FAF1: variants seen among roughly 807,000 people sequenced by gnomAD.
FAF1 encodes the protein FAS-associated factor 1.
Under a neutral mutation model 92.5 loss-of-function variants are expected in FAF1, and 25 were observed. The ratio of observed to expected loss-of-function variants is 0.27; its 90% CI spans 0.20 to 0.38. The LOEUF is 0.38. FAF1 is among the 10% of genes least tolerant of loss of function. The pLI is 1.00. For missense variants in FAF1, 636 were observed against 793.3 expected, an observed-to-expected ratio of 0.80 and a Z score of 2.38; for synonymous variants, 234 against 273.2, an observed-to-expected ratio of 0.86 and a Z score of 1.42.
At chr1:50,718,163 G>C (rs560453043) in intron 6 of FAF1, among the ~76,000 whole-genome samples, 2 of 151,934 alleles carry the variant, frequency 1.3e-5, no homozygotes, top group African/African-American at 2.4e-5. Context: ...GGGATTACAG[G>C]CACCCGAGTA....
intron 1 of FAF1, among the ~76,000 whole-genome samples, chr1:50,888,764 G>C (rs1032211999): frequency 2.0e-5 from 3 of 152,152 alleles, no homozygotes; most frequent in Non-Finnish European, 4.4e-5. Context: ...GATTTGGTTT[G>C]CCAGTATTTT....
At chr1:50,587,927 T>C (rs1000492779) in intron 9 of FAF1, among the ~76,000 whole-genome samples, 9 of 152,214 alleles carry the variant, frequency 5.9e-5, no homozygotes, top group African/African-American at 1.9e-4. Context: ...AAGCTTATAA[T>C]TGAAATAGAT....
At chr1:50,762,404 A>G (rs1188828343) in intron 4 of FAF1, among the ~76,000 whole-genome samples, 1 of 152,058 alleles carries the variant, frequency 6.6e-6, no homozygotes, top group Non-Finnish European at 1.5e-5. Context: ...CCAAAAGAAC[A>G]AAGCTGGAGG....
At chr1:50,909,885 G>T (rs927666204) in intron 1 of FAF1, among the ~76,000 whole-genome samples, 20 of 152,272 alleles carry the variant, frequency 1.3e-4, no homozygotes, top group African/African-American at 4.3e-4. Flanking sequence ...GTCTCAACTC[G>T]TCAAAGTCAT....
chr1:50,754,793 A>G (rs1180012625), intron 4 of FAF1, among the ~76,000 whole-genome samples: 2 of 152,180 alleles, frequency 1.3e-5, no homozygotes, highest in African/African-American at 4.8e-5. Context: ...GGGAGGCCCT[A>G]TAATCATGGT....
At chr1:50,532,685 T>C (rs1648241719) in intron 15 of FAF1, among the ~76,000 whole-genome samples, 1 of 152,230 alleles carries the variant, frequency 6.6e-6, no homozygotes, top group South Asian at 2.1e-4. Flanking sequence ...CATATTTTTA[T>C]AGCAATAGAA....
Position 50,955,785 on chromosome 1 carries a change from C to A in FAF1, c.45+3982G>T, listed in dbSNP as rs536241143. The stretch of plus-strand genomic sequence containing the variant: ...ATAAGCAAAATATGGTATATACATA[C>A]AATGGAACATTATTTAGCCTTTAAA... On this transcript the variant is annotated intron_variant, in intron 1 of 18. Coordinates refer to ENST00000396153, the MANE Select transcript of FAF1 (RefSeq NM_007051.3). Among the ~76,000 whole-genome samples the A allele has an allele frequency of 6.3e-4, 96 of 152,244 alleles. 2 individuals carry two copies. Among genetic ancestry groups the A allele is most frequent in the Admixed American group, 2.1e-3 (32 of 15,292 alleles).
At position 50,512,731 on chromosome 1, in the gene FAF1, T is replaced by G. The variant is rs543966541; in HGVS notation, c.1495-20930A>C. 4.6e-5 allele frequency among the ~76,000 whole-genome samples: 7 copies of G among 152,326 alleles called. No individual in the cohort carries two copies. The East Asian group carries it at 1.3e-3, about 29-fold the overall frequency. ...TTGGCTATAACGGCTCTTTTTTGGTTCCATATGATACTTAAAGTAGTTTTT... is the reference window on the plus strand; with the variant it reads ...TTGGCTATAACGGCTCTTTTTTGGTGCCATATGATACTTAAAGTAGTTTTT... On this transcript the variant is annotated intron_variant, in intron 15 of 18. Coordinates refer to ENST00000396153, the MANE Select transcript of FAF1 (RefSeq NM_007051.3).
chr1:50,519,386 GGGAGGGAGGGAA>G (rs1486896448), intron 15 of FAF1, among the ~76,000 whole-genome samples: 349 of 123,680 alleles, frequency 2.8e-3, no homozygotes, highest in Non-Finnish European at 4.7e-3. Context: ...GAGGGAGGGA[GGGAGGGAGGGAA>G]GGAGGGAGGG....
rs1659040349 is a variant in FAF1 at position 50,734,090 on chromosome 1, C to T, written c.551+4773G>A. Among the ~76,000 whole-genome samples, 3 of 152,200 alleles carry T rather than the reference C, an allele frequency of 2.0e-5. No homozygotes were observed. The South Asian group carries it at 6.2e-4, about 31-fold the overall frequency. On this transcript the variant is annotated intron_variant, in intron 6 of 18. Transcript: ENST00000396153. ...GGGAATACAGGCGTGAGCCACTGCA[C>T]TCAGTCTTTGGCCACATTTTCTATT...
At chr1:50,941,785 C>T (rs1369691502) in intron 1 of FAF1, among the ~76,000 whole-genome samples, 2 of 152,192 alleles carry the variant, frequency 1.3e-5, no homozygotes, top group Non-Finnish European at 2.9e-5. Context: ...AAACACGTTC[C>T]CCCATTGGAC....
At chr1:50,640,997 C>T (rs1654300826) in intron 8 of FAF1, among the ~76,000 whole-genome samples, 1 of 151,850 alleles carries the variant, frequency 6.6e-6, no homozygotes, top group Non-Finnish European at 1.5e-5. Context: ...CCATGCCCAG[C>T]TAATTTTTGT....
chr1:50,635,645 C>T (rs760860220), intron 8 of FAF1, among the ~76,000 whole-genome samples: 3 of 152,136 alleles, frequency 2.0e-5, no homozygotes, highest in East Asian at 1.9e-4. Flanking sequence ...AGGCTTGTCT[C>T]GAACTGCTGA....
chr1:50,652,369 T>C (rs1023806751), intron 8 of FAF1, among the ~76,000 whole-genome samples: 1 of 152,220 alleles, frequency 6.6e-6, no homozygotes, highest in African/African-American at 2.4e-5. Context: ...AATTAGCACC[T>C]AAAATGTATA....
In FAF1 at chr1:50,610,820, A is replaced by G. The variant is rs908673466; in HGVS notation, c.745-14604T>C. ...TGTCACTTCAAATTAGCATTGTACCAAGGCACTAGCTGTGACAATTACTTA... is the reference window on the plus strand; with the variant it reads ...TGTCACTTCAAATTAGCATTGTACCGAGGCACTAGCTGTGACAATTACTTA... On this transcript the variant is annotated intron_variant, in intron 8 of 18. Transcript: ENST00000396153. Among the ~76,000 whole-genome samples, 13 of 152,298 alleles carry G rather than the reference A, an allele frequency of 8.5e-5. 1 individual carries two copies. The South Asian group carries it at 2.7e-3, about 32-fold the overall frequency.
chr1:50,847,713 C>T (rs1333180505), intron 2 of FAF1, among the ~76,000 whole-genome samples: 4 of 151,998 alleles, frequency 2.6e-5, no homozygotes, highest in Non-Finnish European at 5.9e-5. Context: ...GGTGGGCTCA[C>T]AACATTGTGA....
rs60785372 is a variant in FAF1 at position 50,744,695 on chromosome 1, C to G, written c.448G>C (p.Val150Leu). The change falls in exon 5 of 19, where the codon GTG becomes CTG. Residue 150 changes from valine to leucine, a missense_variant. Around this residue, in one of 2 missense-constraint regions of FAF1, gnomAD observed 317 missense variants for 342.4 expected, o/e 0.93. Transcript: ENST00000396153. ...MLLKGWKTGD[V>L]EDSTVLKSLH... The stretch of plus-strand genomic sequence containing the variant: ...ATTAAGAAACTCACACTGTCTTCCA[C>G]ATCTCCCGTCTTCCAGCCTTTTAAC... 1 of 1,602,708 alleles carries G rather than the reference C, an allele frequency of 6.2e-7. No homozygotes were observed. Among genetic ancestry groups the G allele is most frequent in the East Asian group, 2.2e-5 (1 of 44,732 alleles).
chr1:50,622,081 C>T (rs1422363366), intron 8 of FAF1, among the ~76,000 whole-genome samples: 1 of 150,894 alleles, frequency 6.6e-6, no homozygotes, highest in African/African-American at 2.4e-5. Flanking sequence ...CAGGAAATCA[C>T]TTGAATTCGG....
At chr1:50,741,232 T>C (rs990219284) in intron 5 of FAF1, among the ~76,000 whole-genome samples, 1 of 152,148 alleles carries the variant, frequency 6.6e-6, no homozygotes, top group Non-Finnish European at 1.5e-5. Flanking sequence ...GAGACACCCA[T>C]GTGAAGAACA....
Sources: allele counts gnomAD v4.1 joint callset (sites outside exome capture counted in the v4.1 genomes callset), GRCh38; gene constraint gnomAD v4.1.1; regional missense constraint gnomAD v4.1.1; transcripts MANE v1.5; gene names NCBI Gene and HGNC (gene_info 2026-07-23, HGNC 2026-07-21).